The following FAT3 variants were observed in gnomAD, a reference collection of about 807,000 sequenced individuals.
FAT3 encodes protocadherin Fat 3.
FAT3 carries 95 observed loss-of-function variants against 310.2 expected under a neutral mutation model. The ratio of observed to expected loss-of-function variants is 0.31; its 90% CI spans 0.26 to 0.36. The LOEUF is 0.36. FAT3 is among the 10% of genes least tolerant of loss of function. The probability of loss-of-function intolerance (pLI) is 1.00; values close to 1 mark genes in which losing one functional copy is unlikely to be tolerated. For missense variants in FAT3, 5,408 were observed against 5,715.6 expected, an observed-to-expected ratio of 0.95 and a Z score of 1.74; for synonymous variants, 2,314 against 2,192.9, an observed-to-expected ratio of 1.06 and a Z score of -1.54.
At chr11:92,805,569 CAAAA>C (rs34229613) in intron 11 of FAT3, among the ~76,000 whole-genome samples, 1 of 131,110 alleles carries the variant, frequency 7.6e-6, no homozygotes. Context: ...CTGCCCCCAA[CAAAA>C]AAAAAAAAAA....
intron 7 of FAT3, among the ~76,000 whole-genome samples, chr11:92,783,357 CAAAAAAAAAAAA>C (rs35357267): frequency 3.5e-4 from 16 of 45,076 alleles, no homozygotes; most frequent in Admixed American, 1.9e-3. Flanking sequence ...GACTCCATCT[CAAAAAAAAAAAA>C]AAAAAAAAAA....
chr11:92,836,776 C>T (rs952134816), intron 16 of FAT3, 73 bp downstream of exon 16: 23 of 1,539,966 alleles, frequency 1.5e-5, no homozygotes, highest in Admixed American at 3.8e-5. Context: ...ACAAGCTCCA[C>T]GGGTGTAAAT....
At chr11:92,684,473 G>T (rs1031116394) in intron 3 of FAT3, among the ~76,000 whole-genome samples, 52 of 152,118 alleles carry the variant, frequency 3.4e-4, no homozygotes, top group Non-Finnish European at 1.6e-4. Flanking sequence ...TTTCAGGTCT[G>T]CCACCACTGT....
intron 3 of FAT3, among the ~76,000 whole-genome samples, chr11:92,692,742 G>C (rs376853904): frequency 6.6e-6 from 1 of 152,220 alleles, no homozygotes; most frequent in African/African-American, 2.4e-5. Flanking sequence ...GATGGGATGT[G>C]AAGAACACAG....
intron 1 of FAT3, among the ~76,000 whole-genome samples, chr11:92,326,637 C>T (rs778464135): frequency 2.0e-5 from 3 of 152,182 alleles, no homozygotes; most frequent in Non-Finnish European, 4.4e-5. Flanking sequence ...ATGGCTGGCT[C>T]TCCACCAAAG....
chr11:92,844,286 T>TGGTG lies in FAT3; in HGVS notation c.10920_10923dup (p.His3642GlyfsTer3). 1 of 1,614,004 alleles carries TGGTG rather than the reference T, an allele frequency of 6.2e-7. No individual in the cohort carries two copies. Among genetic ancestry groups the TGGTG allele is most frequent in the Admixed American group, 1.7e-5 (1 of 60,026 alleles). ...GATGTGGTCGTGCATGTGGAGCAGTTGGTGCATGAGATGCTGCAGAACACT... is the reference window on the plus strand; with the variant it reads ...GATGTGGTCGTGCATGTGGAGCAGTTGGTGGGTGCATGAGATGCTGCAGAACACT... On this transcript the variant is annotated frameshift_variant, in exon 19 of 28. Transcript: ENST00000525166. LOFTEE classifies it high-confidence loss of function.
chr11:92,384,532 A>T (rs1442054546), intron 2 of FAT3, among the ~76,000 whole-genome samples: 2 of 152,184 alleles, frequency 1.3e-5, no homozygotes, highest in African/African-American at 4.8e-5. Context: ...TTGCCCCATG[A>T]TGTGTTGATT....
At chr11:92,570,458 A>G (rs1399166864) in intron 3 of FAT3, among the ~76,000 whole-genome samples, 1 of 152,184 alleles carries the variant, frequency 6.6e-6, no homozygotes, top group Non-Finnish European at 1.5e-5. Context: ...GATTATGAAA[A>G]TTTGAGAACA....
intron 22 of FAT3, among the ~76,000 whole-genome samples, chr11:92,874,129 GA>G (rs11304491): frequency 0.31 from 46,690 of 151,686 alleles, 7,953 homozygotes; most frequent in South Asian, 0.48. Context: ...CTCTGAACAA[GA>G]AAAAAAATCA....
intron 13 of FAT3, among the ~76,000 whole-genome samples, chr11:92,813,795 C>T (rs891333183): frequency 3.3e-5 from 5 of 152,178 alleles, no homozygotes; most frequent in African/African-American, 1.2e-4. Flanking sequence ...AAATGACAGG[C>T]ATATTTGATT....
chr11:92,468,469 A>C (rs1197904291), intron 2 of FAT3, among the ~76,000 whole-genome samples: 2 of 152,180 alleles, frequency 1.3e-5, no homozygotes, highest in African/African-American at 4.8e-5. Context: ...GTATATTTTA[A>C]AGCCAGGTGT....
At chr11:92,652,866 T>A (rs969649261) in intron 3 of FAT3, among the ~76,000 whole-genome samples, 1 of 152,180 alleles carries the variant, frequency 6.6e-6, no homozygotes, top group African/African-American at 2.4e-5. Context: ...ACACTCTGTT[T>A]AAAATCCCCT....
Position 92,329,062 on chromosome 11 carries a change from TTC to T in FAT3, c.-17-23032_-17-23031del, listed in dbSNP as rs532879140. ...TTCTCTTTCACTATTCTAATCCCTCTTCTTTTATTTTTGAGTGTGTAATCATC... is the reference window on the plus strand; with the variant it reads ...TTCTCTTTCACTATTCTAATCCCTCTTTTTATTTTTGAGTGTGTAATCATC... On this transcript the variant is annotated intron_variant, in intron 1 of 27. Coordinates refer to ENST00000525166, the MANE Select transcript of FAT3 (RefSeq NM_001367949.2). 2.0e-5 allele frequency among the ~76,000 whole-genome samples: 3 copies of T among 152,000 alleles called. No homozygotes were observed. The South Asian group carries it at 6.2e-4, about 32-fold the overall frequency.
intron 3 of FAT3, among the ~76,000 whole-genome samples, chr11:92,629,699 A>G (rs1193205884): frequency 6.6e-6 from 1 of 151,968 alleles, no homozygotes; most frequent in African/African-American, 2.4e-5. Flanking sequence ...GTGTGAGCCA[A>G]TGTGTCCAAC....
chr11:92,505,771 C>T lies in FAT3; in HGVS notation c.3293-18863C>T, dbSNP rs141463311. 5.9e-5 allele frequency among the ~76,000 whole-genome samples: 9 copies of T among 152,214 alleles called. No homozygotes were observed. The East Asian group carries it at 1.7e-3, about 29-fold the overall frequency. On this transcript the variant is annotated intron_variant, in intron 2 of 27. Coordinates refer to ENST00000525166, the MANE Select transcript of FAT3 (RefSeq NM_001367949.2). ...GATAATAATTCTCTGCTGGACTCTTCCTGCACAGTCAGGAGTCAAAGCCCC... is the reference window on the plus strand; with the variant it reads ...GATAATAATTCTCTGCTGGACTCTTTCTGCACAGTCAGGAGTCAAAGCCCC...
intron 1 of FAT3, among the ~76,000 whole-genome samples, chr11:92,334,913 C>G (rs1427557632): frequency 6.6e-6 from 1 of 152,168 alleles, no homozygotes; most frequent in Admixed American, 6.5e-5. Context: ...AGGGACTGCC[C>G]TGCGTGTTCA....
At chr11:92,580,674 G>A (rs1224958440) in intron 3 of FAT3, among the ~76,000 whole-genome samples, 1 of 152,066 alleles carries the variant, frequency 6.6e-6, no homozygotes, top group African/African-American at 2.4e-5. Context: ...TATCTATTAA[G>A]TTGGCATCGC....
At chr11:92,644,712 G>C (rs1440769258) in intron 3 of FAT3, among the ~76,000 whole-genome samples, 1 of 152,234 alleles carries the variant, frequency 6.6e-6, no homozygotes, top group East Asian at 1.9e-4. Context: ...TACCAGGCTT[G>C]TTATGCGCAC....
intron 14 of FAT3, among the ~76,000 whole-genome samples, chr11:92,832,560 A>C (rs943693563): frequency 4.6e-5 from 7 of 151,912 alleles, no homozygotes; most frequent in African/African-American, 1.7e-4. Context: ...CTTAGCAAAT[A>C]TCTGACCCCC....
Sources: allele counts gnomAD v4.1 joint callset (sites outside exome capture counted in the v4.1 genomes callset), GRCh38; gene constraint gnomAD v4.1.1; transcripts MANE v1.5; gene names NCBI Gene and HGNC (gene_info 2026-07-23, HGNC 2026-07-21).